SREK1IP1: variants seen among roughly 807,000 people sequenced by gnomAD.
SREK1IP1 encodes protein SREK1IP1.
Under a neutral mutation model 22.8 loss-of-function variants are expected in SREK1IP1, and 12 were observed. The observed-to-expected ratio is 0.53, with a 90% CI of 0.34 to 0.85. The LOEUF is 0.85. Ranked by LOEUF, SREK1IP1 falls within the 40% of genes least tolerant of loss-of-function variation. The pLI, the probability that SREK1IP1 is intolerant of heterozygous loss-of-function variation, is 0.02. For synonymous variants in SREK1IP1, 53 were observed against 52.7 expected, an observed-to-expected ratio of 1.01 and a Z score of -0.02; for missense variants, 147 against 171.8, an observed-to-expected ratio of 0.86 and a Z score of 0.81.
chr5:64,763,865 C>T (rs1742993171), intron 1 of SREK1IP1, among the ~76,000 whole-genome samples: 1 of 152,182 alleles, frequency 6.6e-6, no homozygotes, highest in East Asian at 1.9e-4. Context: ...CACCTATTAT[C>T]TCAATTTTTG....
intron 4 of SREK1IP1, among the ~76,000 whole-genome samples, chr5:64,727,514 T>C (rs1017043412): frequency 1.4e-5 from 2 of 144,210 alleles, no homozygotes; most frequent in African/African-American, 5.3e-5. Flanking sequence ...AAGGTGTGTG[T>C]ATGTGCATAT....
chr5:64,743,699 AT>A (rs546104059), intron 2 of SREK1IP1, among the ~76,000 whole-genome samples: 191 of 152,208 alleles, frequency 1.3e-3, no homozygotes, highest in Non-Finnish European at 2.4e-3. Flanking sequence ...TGTAACACAG[AT>A]TTTGCTATAT....
chr5:64,759,871 C>T (rs1742916010), intron 1 of SREK1IP1, among the ~76,000 whole-genome samples: 1 of 152,120 alleles, frequency 6.6e-6, no homozygotes, highest in African/African-American at 2.4e-5. Flanking sequence ...TACTCTCATA[C>T]ATTGCTGGCA....
intron 4 of SREK1IP1, chr5:64,727,553 A>ATATATATATATATATATTTTTTTTTTTTT: frequency 1.2e-5 from 1 of 84,716 alleles, no homozygotes; most frequent in African/African-American, 5.5e-5. Flanking sequence ...ATATATATAT[A>ATATATATATATATATATTTTTTTTTTTTT]TTTTTTTTTT....
At chr5:64,743,749 T>C (rs980121567) in intron 2 of SREK1IP1, among the ~76,000 whole-genome samples, 1 of 152,218 alleles carries the variant, frequency 6.6e-6, no homozygotes, top group Non-Finnish European at 1.5e-5. Flanking sequence ...GATCATTACT[T>C]TATCTTTTTA....
intron 1 of SREK1IP1, chr5:64,754,568 A>T: frequency 2.0e-6 from 1 of 489,274 alleles, no homozygotes; most frequent in Non-Finnish European, 3.7e-6. Context: ...GGCTCAGGCG[A>T]TCCTCCTACC....
chr5:64,762,913 G>A (rs992696539), intron 1 of SREK1IP1, among the ~76,000 whole-genome samples: 4 of 150,588 alleles, frequency 2.7e-5, no homozygotes, highest in African/African-American at 7.5e-5. Context: ...TTAGCCAGGC[G>A]TGGTGGTGGA....
At chr5:64,754,656 G>C (rs1252834063) in intron 1 of SREK1IP1, 3 of 259,592 alleles carry the variant, frequency 1.2e-5, no homozygotes, top group Non-Finnish European at 2.3e-5. Flanking sequence ...GCAGAGATGA[G>C]GTTGTGCTTT....
intron 2 of SREK1IP1, among the ~76,000 whole-genome samples, chr5:64,743,607 A>C (rs1742584957): frequency 6.6e-6 from 1 of 152,162 alleles, no homozygotes; most frequent in Admixed American, 6.5e-5. Flanking sequence ...TGCTATTATA[A>C]ATAATGTTGA....
At position 64,721,218 on chromosome 5, in the gene SREK1IP1, TCTC is replaced by T. The variant is rs1742156614; in HGVS notation, c.*3163_*3165del. ...ATATAACGGTGTATGCTCTGGTGTT[TCTC>T]CTACCAACTACACTGTGAAGTCCTT... On this transcript the variant is annotated 3_prime_UTR_variant, in exon 5 of 5. Transcript: ENST00000513458. The T allele has an allele frequency of 6.6e-6, 1 of 152,202 alleles. No homozygotes were observed. Among genetic ancestry groups the T allele is most frequent in the Non-Finnish European group, 1.5e-5 (1 of 68,036 alleles). The allele number at this position is 152,202 out of a possible 1,614,324, so 9.4% of individuals were successfully genotyped here.
At chr5:64,754,395 A>G (rs780190655) in intron 1 of SREK1IP1, 33 bp from the exon 2 acceptor site, 1 of 1,597,824 alleles carries the variant, frequency 6.3e-7, no homozygotes, top group East Asian at 2.2e-5. Context: ...TTTAGGAAGT[A>G]AATAAATATG....
chr5:64,747,753 C>T (rs950241750), intron 2 of SREK1IP1, among the ~76,000 whole-genome samples: 3 of 151,928 alleles, frequency 2.0e-5, no homozygotes, highest in Non-Finnish European at 2.9e-5. Context: ...ACGGTGTAAC[C>T]TCGTCTATAC....
chr5:64,725,707 C>G (rs1402087833), intron 4 of SREK1IP1, among the ~76,000 whole-genome samples: 1 of 152,046 alleles, frequency 6.6e-6, no homozygotes, highest in Non-Finnish European at 1.5e-5. Flanking sequence ...TCTCCTGCAC[C>G]CTTGCCTCTT....
rs1742108038 is a variant in SREK1IP1, at chr5:64,719,075, A to G, written c.*5309T>C. On this transcript the variant is annotated 3_prime_UTR_variant, in exon 5 of 5. Coordinates refer to ENST00000513458, the MANE Select transcript of SREK1IP1 (RefSeq NM_173829.4). ...CTACCAAGTACTAAGGTTATCTTCTAGACCAGAATTAAGAGAAGTTTCTGT... is the reference window on the plus strand; with the variant it reads ...CTACCAAGTACTAAGGTTATCTTCTGGACCAGAATTAAGAGAAGTTTCTGT... 1 of 152,256 alleles carries G rather than the reference A, an allele frequency of 6.6e-6. No homozygotes were observed. The highest frequency in any genetic ancestry group is 1.5e-5 in the Non-Finnish European group (1 of 68,040). The allele number at this position is 152,256 out of a possible 1,614,324, so 9.4% of individuals were successfully genotyped here.
Position 64,768,532 on chromosome 5 carries a change from G to A in SREK1IP1, c.-15C>T, listed in dbSNP as rs753509659. On this transcript the variant is annotated 5_prime_UTR_variant, in exon 1 of 5. Coordinates refer to ENST00000513458, the MANE Select transcript of SREK1IP1 (RefSeq NM_173829.4). ...GGGACTGCCATGACGGTGGTAAGAG[G>A]GGTAACTCGAGCCTCTGGCTTTCGA... The A allele has an allele frequency of 8.1e-6, 13 of 1,614,016 alleles. No homozygotes were observed. The highest frequency in any genetic ancestry group is 5.1e-6 in the Non-Finnish European group (6 of 1,180,014).
intron 3 of SREK1IP1, among the ~76,000 whole-genome samples, chr5:64,734,711 T>C (rs760772869): frequency 6.6e-6 from 1 of 152,100 alleles, no homozygotes; most frequent in Non-Finnish European, 1.5e-5. Flanking sequence ...AACTTGATTG[T>C]TCATTGCCAG....
chr5:64,752,143 TGTG>T (rs1370107002), intron 2 of SREK1IP1, among the ~76,000 whole-genome samples: 1 of 88,338 alleles, frequency 1.1e-5, no homozygotes, highest in South Asian at 3.1e-4. Context: ...ATTTTTTTTG[TGTG>T]TTTTTTTTTT....
intron 1 of SREK1IP1, among the ~76,000 whole-genome samples, chr5:64,764,360 G>A (rs905728828): frequency 6.6e-6 from 1 of 152,154 alleles, no homozygotes; most frequent in African/African-American, 2.4e-5. Flanking sequence ...GCAGGGAAGA[G>A]TTTCAGCCAA....
chr5:64,729,878 C>A (rs148304425), intron 3 of SREK1IP1, among the ~76,000 whole-genome samples: 31 of 152,238 alleles, frequency 2.0e-4, no homozygotes, highest in Admixed American at 3.3e-4. Context: ...ATCTAAAAGA[C>A]CTGTTTGACA....
Sources: gnomAD v4.1 joint callset for allele counts (sites outside exome capture counted in the v4.1 genomes callset) on GRCh38, gnomAD v4.1.1 for gene constraint, MANE v1.5 for transcripts, NCBI Gene and HGNC (gene_info 2026-07-23, HGNC 2026-07-21) for gene names.